Variants in MMP26 observed in about 807,000 individuals in gnomAD.
The protein encoded by MMP26 is matrix metalloproteinase-26.
Under a neutral mutation model 31.0 loss-of-function variants are expected in MMP26, and 33 were observed. The observed-to-expected ratio is 1.06, with a 90% CI of 0.81 to 1.42. MMP26 has a LOEUF of 1.42. Ranked by LOEUF, MMP26 falls within the 40% of genes most tolerant of loss-of-function variation. The probability of loss-of-function intolerance (pLI) is 0.00; values close to 1 mark genes in which losing one functional copy is unlikely to be tolerated. For synonymous variants in MMP26, 122 were observed against 114.9 expected, an observed-to-expected ratio of 1.06 and a Z score of -0.40; for missense variants, 347 against 316.1, an observed-to-expected ratio of 1.10 and a Z score of -0.74.
intron 2 of MMP26, among the ~76,000 whole-genome samples, chr11:4,844,907 G>A (rs1849846644): frequency 6.6e-6 from 1 of 151,986 alleles, no homozygotes; most frequent in Non-Finnish European, 1.5e-5. Flanking sequence ...CCTAGCTAGA[G>A]TATTAAGAAA....
chr11:4,769,826 A>G, intron 2 of MMP26: 3 of 1,612,944 alleles, frequency 1.9e-6, no homozygotes, highest in Non-Finnish European at 2.5e-6. Context: ...ACAGAAAGGA[A>G]TGGAGATCCA....
At chr11:4,840,885 G>A (rs921376788) in intron 2 of MMP26, among the ~76,000 whole-genome samples, 4 of 152,200 alleles carry the variant, frequency 2.6e-5, no homozygotes, top group African/African-American at 7.2e-5. Flanking sequence ...AAATACCTGT[G>A]TTGAGGAAAC....
intron 2 of MMP26, chr11:4,943,313 T>C (rs1385559790): frequency 3.2e-6 from 1 of 315,880 alleles, no homozygotes; most frequent in South Asian, 2.7e-5. Flanking sequence ...TAATAAGTCT[T>C]TTAACATCTC....
intron 2 of MMP26, among the ~76,000 whole-genome samples, chr11:4,861,075 A>C (rs1466379765): frequency 1.3e-5 from 2 of 149,422 alleles, no homozygotes; most frequent in Admixed American, 6.7e-5. Context: ...ATATATATAT[A>C]TCATATATAC....
intron 2 of MMP26, 94 bp from the exon 3 acceptor site, chr11:4,987,974 G>T: frequency 1.8e-6 from 1 of 546,994 alleles, no homozygotes; most frequent in Non-Finnish European, 3.3e-6. Context: ...TGTGGCCCGG[G>T]ATGCTGAGGA....
chr11:4,890,473 G>C (rs956644045), intron 2 of MMP26: 4 of 154,766 alleles, frequency 2.6e-5, no homozygotes, highest in African/African-American at 9.6e-5. Flanking sequence ...CAATTGCCTA[G>C]GATGGCTACC....
intron 2 of MMP26, among the ~76,000 whole-genome samples, chr11:4,810,524 G>C (rs1767784604): frequency 6.6e-6 from 1 of 152,220 alleles, no homozygotes; most frequent in Non-Finnish European, 1.5e-5. Context: ...CACATGCCTA[G>C]CTACATACCT....
At chr11:4,818,843 T>C (rs866548115) in intron 2 of MMP26, among the ~76,000 whole-genome samples, 1 of 152,166 alleles carries the variant, frequency 6.6e-6, no homozygotes, top group African/African-American at 2.4e-5. Flanking sequence ...ATTATATTAA[T>C]GTGACTATAT....
intron 2 of MMP26, among the ~76,000 whole-genome samples, chr11:4,896,098 G>A (rs960582564): frequency 2.0e-5 from 3 of 152,050 alleles, no homozygotes; most frequent in Non-Finnish European, 2.9e-5. Context: ...AAATTTCGGA[G>A]TTTCTATTAC....
At chr11:4,982,842 T>C (rs1846834461) in intron 2 of MMP26, among the ~76,000 whole-genome samples, 2 of 152,216 alleles carry the variant, frequency 1.3e-5, no homozygotes, top group Non-Finnish European at 2.9e-5. Context: ...CCTGAGGTTC[T>C]AGGCTTTTTC....
chr11:4,922,424 C>T (rs1364173418), intron 2 of MMP26, among the ~76,000 whole-genome samples: 1 of 152,126 alleles, frequency 6.6e-6, no homozygotes, highest in Admixed American at 6.5e-5. Flanking sequence ...CCCTATGTAT[C>T]TAGATATATG....
chr11:4,876,274 A>T (rs190384937), intron 2 of MMP26: 1 of 152,096 alleles, frequency 6.6e-6, no homozygotes, highest in Non-Finnish European at 1.5e-5. Context: ...ATATTTCTGA[A>T]TTGCATATGT....
intron 2 of MMP26, among the ~76,000 whole-genome samples, chr11:4,813,077 A>G (rs1004642848): frequency 2.6e-5 from 4 of 151,938 alleles, no homozygotes; most frequent in South Asian, 4.1e-4. Flanking sequence ...ATTTTAATCC[A>G]TTGTTCAAAC....
intron 1 of MMP26, among the ~76,000 whole-genome samples, chr11:4,744,466 C>T (rs1057019686): frequency 3.9e-5 from 6 of 152,104 alleles, no homozygotes; most frequent in South Asian, 4.1e-4. Context: ...AATCGTCTAA[C>T]GTTAATGCAT....
chr11:4,706,854 G>C (rs909580869), intron 1 of MMP26, among the ~76,000 whole-genome samples: 1 of 152,046 alleles, frequency 6.6e-6, no homozygotes, highest in African/African-American at 2.4e-5. Flanking sequence ...ACATATAAGT[G>C]GAATCATGAA....
chr11:4,859,601 T>A, intron 2 of MMP26: 2 of 404,466 alleles, frequency 4.9e-6, no homozygotes, highest in South Asian at 3.8e-5. Context: ...TACACATGAT[T>A]CCATTCTACT....
At chr11:4,893,737 A>G (rs1850661168) in intron 2 of MMP26, among the ~76,000 whole-genome samples, 1 of 152,210 alleles carries the variant, frequency 6.6e-6, no homozygotes, top group Non-Finnish European at 1.5e-5. Context: ...GTATCTTAAG[A>G]CAACATTAAT....
intron 2 of MMP26, chr11:4,881,880 T>G (rs751889642): frequency 2.5e-6 from 4 of 1,597,466 alleles, no homozygotes; most frequent in Middle Eastern, 1.7e-4. Flanking sequence ...TTCCTCATAG[T>G]TCAGTGTCTT....
At chr11:4,850,384 G>T (rs898924617) in intron 2 of MMP26, among the ~76,000 whole-genome samples, 6 of 152,178 alleles carry the variant, frequency 3.9e-5, no homozygotes, top group African/African-American at 7.2e-5. Flanking sequence ...ACACTCGTTT[G>T]TTCCCTAAGT....
Sources: gnomAD v4.1 joint callset for allele counts (sites outside exome capture counted in the v4.1 genomes callset) on GRCh38, gnomAD v4.1.1 for gene constraint, MANE v1.5 for transcripts, NCBI Gene and HGNC (gene_info 2026-07-23, HGNC 2026-07-21) for gene names.